DNAH14: variants seen among roughly 807,000 people sequenced by gnomAD.
The protein encoded by DNAH14 is dynein axonemal heavy chain 14.
In DNAH14, 478 loss-of-function variants were observed where a neutral mutation model predicts 520.9. The observed-to-expected ratio is 0.92, with a 90% confidence interval of 0.85 to 0.99. DNAH14 has a LOEUF of 0.99. Among genes scored for constraint, DNAH14 ranks in the 50% least tolerant of loss-of-function variants. The pLI, the probability that DNAH14 is intolerant of heterozygous loss-of-function variation, is 0.00. For missense variants in DNAH14, 4,831 were observed against 5,234.5 expected (o/e 0.92, Z 2.38); for synonymous variants, 1,581 against 1,757.2 (o/e 0.90, Z 2.51).
chr1:225,137,770 A>G (rs1164846934), intron 27 of DNAH14, among the ~76,000 whole-genome samples: 2 of 152,178 alleles, frequency 1.3e-5, no homozygotes, highest in Non-Finnish European at 2.9e-5. Context: ...CCACCCAATG[A>G]AGCAGTCTGG....
intron 77 of DNAH14, among the ~76,000 whole-genome samples, 176 bp downstream of exon 77, chr1:225,368,208 G>A (rs1321519740): frequency 6.6e-6 from 1 of 152,158 alleles, no homozygotes; most frequent in Non-Finnish European, 1.5e-5. Context: ...AGCTTTTCTG[G>A]AATCAATTTG....
intron 45 of DNAH14, 55 bp downstream of exon 45, chr1:225,258,173 A>G: frequency 1.4e-6 from 2 of 1,389,032 alleles, no homozygotes; most frequent in Non-Finnish European, 1.9e-6. Context: ...AGATTTACAG[A>G]TATTTGGTCT....
At chr1:225,189,674 T>G (rs978716046) in intron 37 of DNAH14, among the ~76,000 whole-genome samples, 1 of 151,996 alleles carries the variant, frequency 6.6e-6, no homozygotes, top group Non-Finnish European at 1.5e-5. Flanking sequence ...GTATTTGAAC[T>G]ATTGTCTTTG....
intron 66 of DNAH14, among the ~76,000 whole-genome samples, chr1:225,336,092 C>T (rs2095045788): frequency 6.8e-6 from 1 of 146,694 alleles, no homozygotes; most frequent in South Asian, 2.1e-4. Context: ...TACATATATG[C>T]TTATACATAT....
chr1:225,144,430 G>C lies in DNAH14; in HGVS notation c.4542G>C (p.Lys1514Asn). ...AATATAAATGGAATGAAAAACAAAA[G>C]TTGTGCTATGTGTCTCAAGGAAATG... ...HLQYKWNEKQ[K>N]LCYVSQGNAS... Residue 1514 changes from lysine (K) to asparagine (N), a missense_variant, in exon 29 of 86, where the codon AAG becomes AAC. Physicochemically the swap from Lys to Asn is moderately conservative, Grantham distance 94. Coordinates refer to ENST00000682510, the MANE Select transcript of DNAH14 (RefSeq NM_001367479.1). 1 of 1,551,402 alleles carries C rather than the reference G, an allele frequency of 6.4e-7. No homozygotes were observed. Among genetic ancestry groups the C allele is most frequent in the Non-Finnish European group, 8.7e-7 (1 of 1,146,850 alleles).
At chr1:225,239,254 T>C (rs889890522) in intron 42 of DNAH14, among the ~76,000 whole-genome samples, 1 of 152,172 alleles carries the variant, frequency 6.6e-6, no homozygotes, top group African/African-American at 2.4e-5. Context: ...TGTGTGTGCC[T>C]GAGTGGCTGC....
At chr1:225,081,285 CT>C (rs373109171) in intron 19 of DNAH14, among the ~76,000 whole-genome samples, 3 of 152,154 alleles carry the variant, frequency 2.0e-5, no homozygotes, top group Non-Finnish European at 2.9e-5. Context: ...GACTCCTCCC[CT>C]ATCACTCAGC....
At chr1:225,115,881 C>G (rs2076836213) in intron 23 of DNAH14, among the ~76,000 whole-genome samples, 1 of 152,088 alleles carries the variant, frequency 6.6e-6, no homozygotes, top group Admixed American at 6.6e-5. Context: ...AACTCAAAAT[C>G]TATTTTAGGA....
rs1319390946 is a variant in DNAH14, at chr1:225,335,795, C to A, written c.10081-1471C>A. ...TATGTGCATATATTCATAAGTACATCTATGTATATGTACATATATGTACAT... is the reference window on the plus strand; with the variant it reads ...TATGTGCATATATTCATAAGTACATATATGTATATGTACATATATGTACAT... On this transcript the variant is annotated intron_variant, in intron 66 of 85. Coordinates refer to ENST00000682510, the MANE Select transcript of DNAH14 (RefSeq NM_001367479.1). Among the ~76,000 whole-genome samples, 3 of 110,330 alleles carry A rather than the reference C, an allele frequency of 2.7e-5. 1 individual carries two copies. Among genetic ancestry groups the A allele is most frequent in the Non-Finnish European group, 5.5e-5 (3 of 54,812 alleles). 72.4% of individuals were successfully genotyped at this position (110,330 alleles called of 152,430 possible).
At chr1:225,153,406 G>A (rs1249473426) in intron 33 of DNAH14, among the ~76,000 whole-genome samples, 1 of 152,106 alleles carries the variant, frequency 6.6e-6, no homozygotes, top group East Asian at 1.9e-4. Flanking sequence ...AGTATTTGTT[G>A]CTAATGCAAA....
intron 73 of DNAH14, among the ~76,000 whole-genome samples, chr1:225,357,072 G>A (rs951021888): frequency 1.3e-5 from 2 of 152,128 alleles, no homozygotes; most frequent in African/African-American, 4.8e-5. Context: ...ATATTAGAAA[G>A]AAGCTTGCCC....
chr1:225,251,517 G>A (rs1391771125), intron 43 of DNAH14, among the ~76,000 whole-genome samples: 2 of 152,082 alleles, frequency 1.3e-5, no homozygotes, highest in Non-Finnish European at 2.9e-5. Context: ...AATCCTTTGT[G>A]TCCTTCAGTT....
intron 21 of DNAH14, among the ~76,000 whole-genome samples, chr1:225,093,652 GA>G (rs2074620141): frequency 6.6e-6 from 1 of 152,102 alleles, no homozygotes; most frequent in Non-Finnish European, 1.5e-5. Context: ...GGAAGAGAAA[GA>G]AATGAAAGAC....
At chr1:225,258,668 C>CA (rs1448453041) in intron 45 of DNAH14, among the ~76,000 whole-genome samples, 7 of 152,238 alleles carry the variant, frequency 4.6e-5, no homozygotes, top group African/African-American at 1.4e-4. Context: ...TCTCAGATAA[C>CA]ACATACCTTG....
chr1:225,082,141 A>C (rs2073195951), intron 19 of DNAH14, among the ~76,000 whole-genome samples: 1 of 140,718 alleles, frequency 7.1e-6, no homozygotes, highest in Non-Finnish European at 1.6e-5. Context: ...ATAAATACCC[A>C]GAATCTGTGA....
chr1:225,051,089 A>G (rs1007122944), intron 16 of DNAH14, among the ~76,000 whole-genome samples: 11 of 152,142 alleles, frequency 7.2e-5, no homozygotes, highest in African/African-American at 2.7e-4. Context: ...GTGGACTGGC[A>G]CTGCTCTCTG....
At chr1:225,062,483 G>A (rs1366342982) in intron 17 of DNAH14, among the ~76,000 whole-genome samples, 1 of 152,100 alleles carries the variant, frequency 6.6e-6, no homozygotes, top group African/African-American at 2.4e-5. Context: ...GGGGGAACTG[G>A]CCTCAATAAG....
chr1:225,151,273 A>G (rs1038876524), intron 31 of DNAH14, among the ~76,000 whole-genome samples: 2 of 151,824 alleles, frequency 1.3e-5, no homozygotes, highest in East Asian at 3.9e-4. Context: ...CCTCTCATGG[A>G]TTTTGTTCAA....
chr1:225,323,550 A>C (rs990253622), intron 62 of DNAH14, among the ~76,000 whole-genome samples: 1 of 151,216 alleles, frequency 6.6e-6, no homozygotes, highest in Non-Finnish European at 1.5e-5. Flanking sequence ...TGCAACCTCC[A>C]CCTCCTGGGT....
Sources: allele counts gnomAD v4.1 joint callset (sites outside exome capture counted in the v4.1 genomes callset), GRCh38; gene constraint gnomAD v4.1.1; transcripts MANE v1.5; gene names NCBI Gene and HGNC (gene_info 2026-07-23, HGNC 2026-07-21).